Variants in AKR1C2 observed in about 807,000 individuals in gnomAD.
AKR1C2 encodes the protein 3-alpha-HSD3.
A neutral mutation model predicts 39.8 loss-of-function variants in AKR1C2; 27 were observed. That is an observed-to-expected ratio of 0.68 (90% CI 0.50 to 0.93). The LOEUF (loss-of-function observed/expected upper bound fraction) is 0.93. AKR1C2 is among the 40% of genes least tolerant of loss of function. AKR1C2 has a pLI of 0.00. For synonymous variants in AKR1C2, 114 were observed against 137.9 expected (o/e 0.83, Z 1.22); for missense variants, 263 against 365.1 (o/e 0.72, Z 2.28).
At chr10:5,013,748 A>G (rs1298463088) in intron 1 of AKR1C2, 1 of 152,210 alleles carries the variant, frequency 6.6e-6, no homozygotes, top group Admixed American at 6.5e-5. Context: ...TTTAAAACAT[A>G]TAGTTTATTA....
In AKR1C2 at chr10:5,000,128, A is replaced by G. The variant is rs11252875; in HGVS notation, c.369+422T>C. On this transcript the variant is annotated intron_variant, in intron 3 of 8. Transcript: ENST00000380753. The stretch of plus-strand genomic sequence containing the variant: ...TGTAGTTTAAGACATTCCCGGACTG[A>G]GTTCTTGCCCCTTGAAAAGAGGCAA... The G allele has an allele frequency of 0.083, 103,504 of 1,252,516 alleles. 4,930 individuals carry two copies. The highest frequency in any genetic ancestry group is 0.094 in the Non-Finnish European group (93,960 of 998,046). The allele number at this position is 1,252,516 out of a possible 1,614,324, so 77.6% of individuals were successfully genotyped here.
At chr10:5,014,494 G>A (rs1554775195) in intron 1 of AKR1C2, among the ~76,000 whole-genome samples, 1 of 152,038 alleles carries the variant, frequency 6.6e-6, no homozygotes, top group East Asian at 1.9e-4. Context: ...AACAAGGTGT[G>A]TTGGCATCCA....
upstream of AKR1C2, chr10:5,006,671 A>T (rs1375368666): frequency 1.3e-5 from 2 of 152,170 alleles, no homozygotes; most frequent in African/African-American, 2.4e-5. Flanking sequence ...GGACAAGGTG[A>T]TCCACAGATT....
intron 1 of AKR1C2, among the ~76,000 whole-genome samples, chr10:5,009,037 G>A (rs1453254027): frequency 2.6e-5 from 4 of 152,148 alleles, no homozygotes; most frequent in African/African-American, 9.7e-5. Context: ...AAAATGGTGG[G>A]ATGCCAAAAG....
At position 4,995,928 on chromosome 10, in the gene AKR1C2, C is replaced by A. The variant is rs1249892076; in HGVS notation, c.571-63G>T. 40 of 1,549,008 alleles carry A rather than the reference C, an allele frequency of 2.6e-5. 1 individual carries two copies. The highest frequency in any genetic ancestry group is 3.3e-5 in the Non-Finnish European group (37 of 1,137,506). ...AAAAGTTACATTAATATTAAAATCA[C>A]CAAAGTAAAAGAAGCTGAATAATGT... On this transcript the variant is annotated intron_variant, in intron 5 of 8. Coordinates refer to ENST00000380753, the MANE Select transcript of AKR1C2 (RefSeq NM_001393392.1).
intron 1 of AKR1C2, 48 bp downstream of exon 1, chr10:5,003,704 C>G: frequency 1.3e-6 from 2 of 1,546,594 alleles, no homozygotes; most frequent in Non-Finnish European, 1.8e-6. Flanking sequence ...TCAGCTTCCA[C>G]TTACTCTAGC....
chr10:4,993,548 T>C (rs1244764636), intron 7 of AKR1C2, among the ~76,000 whole-genome samples: 1 of 152,064 alleles, frequency 6.6e-6, no homozygotes, highest in Non-Finnish European at 1.5e-5. Flanking sequence ...GATAACACAG[T>C]AAAATATTGT....
chr10:5,016,475 A>T (rs111295354), intron 1 of AKR1C2, among the ~76,000 whole-genome samples: 224 of 152,308 alleles, frequency 1.5e-3, no homozygotes, highest in African/African-American at 5.0e-3. Context: ...AATAATCTCT[A>T]TTGACTCCAT....
rs1450847734 is a variant in AKR1C2, at chr10:4,998,720, A to G, written c.475T>C (p.Leu159=). The change falls in exon 5 of 9, where the codon TTG becomes CTG. Residue 159 remains leucine (L), a synonymous_variant. Transcript: ENST00000380753. ...TTGGACACCCCGATGGACTTGGCCAATCCTGCATCTTTACACTTCTCCATG... is the reference window on the plus strand; with the variant it reads ...TTGGACACCCCGATGGACTTGGCCAGTCCTGCATCTTTACACTTCTCCATG... ...EAMEKCKDAG[L]AKSIGVSNFN... 1.2e-5 allele frequency: 20 copies of G among 1,614,038 alleles called. No homozygotes were observed. The highest frequency in any genetic ancestry group is 4.5e-5 in the East Asian group (2 of 44,872).
At chr10:4,998,008 T>A (rs1160954561) in intron 5 of AKR1C2, among the ~76,000 whole-genome samples, 1 of 152,248 alleles carries the variant, frequency 6.6e-6, no homozygotes, top group Non-Finnish European at 1.5e-5. Context: ...CTCCATGTTC[T>A]GCTGAACCTT....
At chr10:4,993,629 A>G (rs1836916115) in intron 7 of AKR1C2, among the ~76,000 whole-genome samples, 1 of 152,074 alleles carries the variant, frequency 6.6e-6, no homozygotes, top group Non-Finnish European at 1.5e-5. Flanking sequence ...ATTAGTCTAC[A>G]TGAAGGATAG....
intron 5 of AKR1C2, among the ~76,000 whole-genome samples, chr10:4,996,483 T>A (rs1225472840): frequency 6.7e-6 from 1 of 148,214 alleles, no homozygotes; most frequent in Non-Finnish European, 1.5e-5. Flanking sequence ...AGTGCTTTTG[T>A]CTTTTACACT....
chr10:5,011,985 A>G (rs1253351141), intron 1 of AKR1C2, among the ~76,000 whole-genome samples: 2 of 152,168 alleles, frequency 1.3e-5, no homozygotes, highest in African/African-American at 4.8e-5. Context: ...AGTTGTTGAG[A>G]ATGTAAAGAA....
intron 1 of AKR1C2, among the ~76,000 whole-genome samples, chr10:5,002,045 G>T (rs537303743): frequency 6.6e-6 from 1 of 152,208 alleles, no homozygotes; most frequent in Non-Finnish European, 1.5e-5. Context: ...CACATGGAAG[G>T]AATTATGAAG....
At chr10:4,999,477 C>T (rs1425896011) in intron 3 of AKR1C2, 200 bp from the exon 4 acceptor site, 1 of 1,078,330 alleles carries the variant, frequency 9.3e-7, no homozygotes, top group South Asian at 1.7e-5. Context: ...TCTCTTACAC[C>T]TATTATATGT....
intron 1 of AKR1C2, among the ~76,000 whole-genome samples, chr10:5,003,064 T>A (rs1837319363): frequency 1.3e-5 from 2 of 152,034 alleles, no homozygotes; most frequent in South Asian, 4.1e-4. Flanking sequence ...CATTTAGCTA[T>A]TTCTAAATCT....
Position 4,991,811 on chromosome 10 carries a change from C to A in AKR1C2, c.929+20G>T, listed in dbSNP as rs1182150569. The A allele has an allele frequency of 2.0e-6, 1 of 494,422 alleles. No homozygotes were observed. The highest frequency in any genetic ancestry group is 3.5e-6 in the Non-Finnish European group (1 of 282,596). 30.6% of individuals were successfully genotyped at this position (494,422 alleles called of 1,614,324 possible). On this transcript the variant is annotated intron_variant, in intron 8 of 8. Transcript: ENST00000380753. ...CTCCTCTGAAAATAAATTAGGACAA[C>A]CATCTCCAAAATTACTTACATATCA...
chr10:5,011,408 C>T (rs1837520043), intron 1 of AKR1C2, among the ~76,000 whole-genome samples: 1 of 152,184 alleles, frequency 6.6e-6, no homozygotes, highest in Non-Finnish European at 1.5e-5. Context: ...TAGCAAACTG[C>T]ACTTGTAAAC....
At chr10:5,001,127 C>G (rs1284187431) in intron 2 of AKR1C2, among the ~76,000 whole-genome samples, 1 of 152,138 alleles carries the variant, frequency 6.6e-6, no homozygotes, top group African/African-American at 2.4e-5. Context: ...TCACTGAGCT[C>G]TCTTATATCG....
Sources: allele counts gnomAD v4.1 joint callset (sites outside exome capture counted in the v4.1 genomes callset), GRCh38; gene constraint gnomAD v4.1.1; transcripts MANE v1.5; gene names NCBI Gene and HGNC (gene_info 2026-07-23, HGNC 2026-07-21).